ABCA9: variants seen among roughly 807,000 people sequenced by gnomAD.
ABCA9 encodes the protein ATP-binding cassette sub-family A member 9.
A neutral mutation model predicts 205.3 loss-of-function variants in ABCA9; 183 were observed. The observed-to-expected ratio is 0.89, with a 90% CI of 0.79 to 1.01. ABCA9 has a LOEUF of 1.01. Among genes scored for constraint, ABCA9 ranks in the 50% least tolerant of loss-of-function variants. The pLI, the probability that ABCA9 is intolerant of heterozygous loss-of-function variation, is 0.00. For missense variants in ABCA9, 1,805 were observed against 1,912.4 expected, an observed-to-expected ratio of 0.94 and a Z score of 1.05; for synonymous variants, 651 against 683.3, an observed-to-expected ratio of 0.95 and a Z score of 0.74.
intron 19 of ABCA9, among the ~76,000 whole-genome samples, chr17:69,019,697 G>A (rs1256915178): frequency 1.3e-5 from 2 of 152,146 alleles, no homozygotes; most frequent in Non-Finnish European, 2.9e-5. Flanking sequence ...ATGAATGAAT[G>A]TTCTCAGTGA....
At position 68,982,544 on chromosome 17, in the gene ABCA9, C is replaced by T. The variant is rs758755704; in HGVS notation, c.4720+18G>A. 15 of 1,602,228 alleles carry T rather than the reference C, an allele frequency of 9.4e-6. No individual in the cohort carries two copies. Among genetic ancestry groups the T allele is most frequent in the Non-Finnish European group, 1.3e-5 (15 of 1,169,348 alleles). On this transcript the variant is annotated intron_variant, in intron 37 of 38. Transcript: ENST00000340001. Reference sequence around the variant, plus strand: ...TTATCTGTTTCCCAGAGTTTTGTCTCTAAACAGTCACTCTTACCTATCTCT... The same window carrying T: ...TTATCTGTTTCCCAGAGTTTTGTCTTTAAACAGTCACTCTTACCTATCTCT...
chr17:69,017,567 T>C (rs2070663777), intron 21 of ABCA9, 89 bp downstream of exon 21: 2 of 1,423,018 alleles, frequency 1.4e-6, no homozygotes, highest in East Asian at 2.3e-5. Flanking sequence ...TTGTGTGAAA[T>C]TGGCCTTTCA....
the ABCA9 span, among the ~76,000 whole-genome samples, chr17:69,075,982 G>A: frequency 6.6e-6 from 1 of 151,664 alleles, no homozygotes; most frequent in African/African-American, 2.4e-5. Context: ...TTTATTTTTT[G>A]TGTGGCCATC....
chr17:69,051,779 A>G (rs2071908200), intron 1 of ABCA9: 1 of 152,264 alleles, frequency 6.6e-6, no homozygotes, highest in African/African-American at 2.4e-5. Flanking sequence ...GAAGAAAGAA[A>G]GAAAAAGAAA....
At chr17:69,066,366 A>G in the ABCA9 span, among the ~76,000 whole-genome samples, 1 of 152,234 alleles carries the variant, frequency 6.6e-6, no homozygotes, top group East Asian at 1.9e-4. Flanking sequence ...TAGGAAAACA[A>G]AAGAAAAAAA....
At position 68,988,966 on chromosome 17, in the gene ABCA9, A is replaced by G. The variant is rs2069342686; in HGVS notation, c.4047+61T>C. ...TTATGGATCAACTACATAGTCTATT[A>G]TTGCCATCAATATTCTTTGTAGGTA... On this transcript the variant is annotated intron_variant, in intron 31 of 38. Transcript: ENST00000340001. 7.9e-6 allele frequency: 8 copies of G among 1,007,352 alleles called. No homozygotes were observed. In the South Asian group the frequency reaches 9.4e-5, roughly 12 times the overall value. The allele number at this position is 1,007,352 out of a possible 1,614,324, so 62.4% of individuals were successfully genotyped here. A position where few individuals can be genotyped will look rare whatever the true frequency, so the allele number is the denominator to read the frequency against.
chr17:69,011,666 C>T (rs757681449), intron 23 of ABCA9, among the ~76,000 whole-genome samples: 1 of 152,088 alleles, frequency 6.6e-6, no homozygotes, highest in Non-Finnish European at 1.5e-5. Context: ...AAGTAGAAAC[C>T]ACCATTGAGA....
chr17:69,053,111 G>T (rs1292557664), intron 1 of ABCA9, among the ~76,000 whole-genome samples: 1 of 152,154 alleles, frequency 6.6e-6, no homozygotes, highest in Non-Finnish European at 1.5e-5. Flanking sequence ...ACATGGGCAT[G>T]ATTAATAAAA....
chr17:69,056,987 G>A (rs567741136), intron 1 of ABCA9, among the ~76,000 whole-genome samples: 1 of 152,218 alleles, frequency 6.6e-6, no homozygotes, highest in Admixed American at 6.5e-5. Context: ...TTGGGGAGAC[G>A]GTATGGGCAT....
intron 5 of ABCA9, 105 bp downstream of exon 5, chr17:69,044,392 C>T: frequency 1.1e-6 from 1 of 935,152 alleles, no homozygotes; most frequent in Non-Finnish European, 1.6e-6. Context: ...GTATATTGTG[C>T]CTTATTAATG....
chr17:69,061,383 G>A (rs2072243927), upstream of ABCA9, among the ~76,000 whole-genome samples: 1 of 151,890 alleles, frequency 6.6e-6, no homozygotes, highest in African/African-American at 2.4e-5. Context: ...TACAAATTGG[G>A]TTAGAAACTA....
Position 69,028,579 on chromosome 17 carries a change from GT to G in ABCA9, c.1570del (p.Thr524LeufsTer4). The G allele has an allele frequency of 6.2e-7, 1 of 1,610,790 alleles. No homozygotes were observed. The highest frequency in any genetic ancestry group is 8.5e-7 in the Non-Finnish European group (1 of 1,178,282). On this transcript the variant is annotated frameshift_variant, in exon 12 of 39. Transcript: ENST00000340001. LOFTEE classifies it high-confidence loss of function. ...CCCACTAAGTATGTTTAACAGGGTAGTTTTTCCAGCTCCACTGTGACCAAGG... is the reference window on the plus strand; with the variant it reads ...CCCACTAAGTATGTTTAACAGGGTAGTTTTCCAGCTCCACTGTGACCAAGG... ...ALLGHSGAGK[T>X]TLLNILSGLS...
intron 23 of ABCA9, among the ~76,000 whole-genome samples, chr17:69,010,857 G>T (rs1041755442): frequency 4.6e-5 from 7 of 152,158 alleles, no homozygotes; most frequent in African/African-American, 1.7e-4. Context: ...GTAGACAATA[G>T]TGCCATTTGC....
intron 9 of ABCA9, 57 bp from the exon 10 acceptor site, chr17:69,032,333 C>G (rs1167968306): frequency 1.6e-5 from 25 of 1,516,212 alleles, no homozygotes; most frequent in Non-Finnish European, 1.9e-5. Context: ...AGGATTCCAT[C>G]AGCATATCAG....
chr17:69,044,637 T>C, intron 4 of ABCA9, 37 bp from the exon 5 acceptor site: 1 of 1,587,596 alleles, frequency 6.3e-7, no homozygotes, highest in Non-Finnish European at 8.6e-7. Context: ...TACGGAATGA[T>C]ACAATCTTGG....
chr17:69,069,351 C>A, the ABCA9 span, among the ~76,000 whole-genome samples: 1 of 152,070 alleles, frequency 6.6e-6, no homozygotes, highest in Non-Finnish European at 1.5e-5. Flanking sequence ...GGCCTGCAGC[C>A]GGGGGAGACA....
At chr17:69,013,151 G>C (rs1215005324) in intron 22 of ABCA9, among the ~76,000 whole-genome samples, 2 of 151,926 alleles carry the variant, frequency 1.3e-5, no homozygotes, top group African/African-American at 2.4e-5. Flanking sequence ...TCCAAATCTT[G>C]GCTATTGTGA....
chr17:69,024,490 A>C, intron 16 of ABCA9, 137 bp from the exon 17 acceptor site: 1 of 783,004 alleles, frequency 1.3e-6, no homozygotes, highest in African/African-American at 1.8e-5. Context: ...ACAAAGTAAG[A>C]TGTAAAACTA....
chr17:69,016,801 G>A (rs1470461360), intron 21 of ABCA9, among the ~76,000 whole-genome samples: 2 of 152,014 alleles, frequency 1.3e-5, no homozygotes. Flanking sequence ...TGTAATGAAA[G>A]TATAGGTTTT....
Sources: allele counts gnomAD v4.1 joint callset (sites outside exome capture counted in the v4.1 genomes callset), GRCh38; gene constraint gnomAD v4.1.1; transcripts MANE v1.5; gene names NCBI Gene and HGNC (gene_info 2026-07-23, HGNC 2026-07-21).